Variants in TTLL4 observed in about 807,000 individuals in gnomAD.
TTLL4 encodes the protein tubulin tyrosine ligase like 4, also known as tubulin monoglutamylase TTLL4.
TTLL4 carries 85 observed loss-of-function variants against 122.7 expected under a neutral mutation model. The ratio of observed to expected loss-of-function variants is 0.69; its 90% confidence interval spans 0.58 to 0.83. The LOEUF (loss-of-function observed/expected upper bound fraction) is 0.83. Ranked by LOEUF, TTLL4 falls within the 40% of genes least tolerant of loss-of-function variation. The pLI is 0.00. For synonymous variants in TTLL4, 553 were observed against 563.0 expected (o/e 0.98, Z 0.25); for missense variants, 1,363 against 1,488.6 (o/e 0.92, Z 1.39).
intron 7 of TTLL4, 49 bp downstream of exon 7, chr2:218,745,850 G>C: frequency 6.5e-7 from 1 of 1,536,560 alleles, no homozygotes; most frequent in Non-Finnish European, 9.0e-7. Flanking sequence ...CCAAATAGAT[G>C]GGCTTTGCAT....
intron 1 of TTLL4, among the ~76,000 whole-genome samples, chr2:218,724,248 T>G (rs1335059984): frequency 1.3e-5 from 2 of 152,236 alleles, no homozygotes; most frequent in Non-Finnish European, 2.9e-5. Flanking sequence ...AAAAAAATTT[T>G]TTTAAACCTC....
chr2:218,720,958 T>C (rs1942018511), intron 1 of TTLL4, among the ~76,000 whole-genome samples: 1 of 152,108 alleles, frequency 6.6e-6, no homozygotes, highest in Non-Finnish European at 1.5e-5. Context: ...TATTCAGTCA[T>C]GCCTATTAAT....
chr2:218,740,598 T>C lies in TTLL4; in HGVS notation c.1661+14T>C. On this transcript the variant is annotated intron_variant, in intron 5 of 19. Transcript: ENST00000392102. ...CATGATCTCTAGGTAAGTGTGGCTG[T>C]ATAGATCATTGTTACATGCTCATCT... is the stretch of plus-strand genomic sequence containing the variant. The C allele has an allele frequency of 6.2e-7, 1 of 1,613,964 alleles. No individual in the cohort carries two copies. Among genetic ancestry groups the C allele is most frequent in the Non-Finnish European group, 8.5e-7 (1 of 1,179,800 alleles).
chr2:218,713,041 G>C (rs539103810), intron 1 of TTLL4, among the ~76,000 whole-genome samples: 15 of 152,196 alleles, frequency 9.9e-5, no homozygotes, highest in Non-Finnish European at 2.1e-4. Flanking sequence ...TTTTTAAAGA[G>C]ATTTCTTTTA....
rs1942578767 is a variant in TTLL4, at chr2:218,738,003, G to A, written c.327G>A (p.Pro109=). 4.3e-6 allele frequency: 7 copies of A among 1,614,072 alleles called. No homozygotes were observed. In the South Asian group the frequency reaches 5.5e-5, roughly 13 times the overall value. ...HSSSCYLHSL[P]DLFNSTLLYR... ...GTTCCTGTTACCTACACTCTCTCCC[G>A]GACTTGTTCAACAGCACCCTGCTAT... The change falls in exon 3 of 20, where the codon CCG becomes CCA. Residue 109 remains proline (P), a synonymous_variant. Coordinates refer to ENST00000392102, the MANE Select transcript of TTLL4 (RefSeq NM_014640.5).
Position 218,738,044 on chromosome 2 carries a change from A to G in TTLL4, c.368A>G (p.Tyr123Cys). 3.7e-6 allele frequency: 6 copies of G among 1,614,148 alleles called. No individual in the cohort carries two copies. Among genetic ancestry groups the G allele is most frequent in the South Asian group, 1.1e-5 (1 of 91,086 alleles). ...ACCCTGCTATACCGCCGCTCCAGCT[A>G]TAGGCAAAAACCGTACCAGCAACTG... ...NSTLLYRRSS[Y>C]RQKPYQQLES... The change falls in exon 3 of 20, where the codon TAT (tyrosine) becomes TGT (cysteine). Residue 123 changes from tyrosine (Y) to cysteine (C), a missense_variant. Physicochemically the swap from Tyr to Cys is radical, Grantham distance 194. Transcript: ENST00000392102.
chr2:218,727,407 T>C (rs1357653398), intron 2 of TTLL4, 60 bp downstream of exon 2: 3 of 152,184 alleles, frequency 2.0e-5, no homozygotes, highest in Non-Finnish European at 2.9e-5. Context: ...TAACAATCTC[T>C]TTGTTAAATT....
chr2:218,751,500 G>T, intron 15 of TTLL4: 1 of 554,202 alleles, frequency 1.8e-6, no homozygotes, highest in Non-Finnish European at 2.3e-6. Context: ...CTGGTGGTTT[G>T]TATCCTTTTA....
At chr2:218,719,352 C>T (rs1941965134) in intron 1 of TTLL4, among the ~76,000 whole-genome samples, 1 of 152,074 alleles carries the variant, frequency 6.6e-6, no homozygotes, top group South Asian at 2.1e-4. Context: ...GGGAAAGTAT[C>T]ACGTGAGAGG....
At chr2:218,735,251 A>G (rs1197106040) in intron 2 of TTLL4, among the ~76,000 whole-genome samples, 5 of 152,078 alleles carry the variant, frequency 3.3e-5, no homozygotes, top group Non-Finnish European at 7.4e-5. Context: ...TTTTAAATAT[A>G]ACTTAAGCGA....
At chr2:218,729,763 C>A (rs56051522) in intron 2 of TTLL4, among the ~76,000 whole-genome samples, 68,848 of 128,698 alleles carry the variant, frequency 0.53, 16,698 homozygotes, top group African/African-American at 0.57. Context: ...AAAAAAAAAA[C>A]AAAAAAAAAA....
intron 1 of TTLL4, among the ~76,000 whole-genome samples, chr2:218,714,632 G>A (rs1941805728): frequency 6.6e-6 from 1 of 152,034 alleles, no homozygotes; most frequent in Non-Finnish European, 1.5e-5. Flanking sequence ...TGCTAGAGAA[G>A]CATAGTGCTT....
chr2:218,718,921 G>A (rs1941948923), intron 1 of TTLL4, among the ~76,000 whole-genome samples: 1 of 152,172 alleles, frequency 6.6e-6, no homozygotes, highest in Non-Finnish European at 1.5e-5. Flanking sequence ...TGTTAGAGGG[G>A]TTGGAGACTG....
Position 218,723,949 on chromosome 2 carries a change from A to G in TTLL4, c.-177-3320A>G, listed in dbSNP as rs572189965. 2.6e-5 allele frequency among the ~76,000 whole-genome samples: 4 copies of G among 152,218 alleles called. No homozygotes were observed. The South Asian group carries it at 8.3e-4, about 31-fold the overall frequency. On this transcript the variant is annotated intron_variant, in intron 1 of 19. Transcript: ENST00000392102. ...ATTAGATAATAGTAATATAGTTTAT[A>G]GTATTATCAATGCTAATTTTTTGAA... is the stretch of plus-strand genomic sequence containing the variant.
chr2:218,753,403 A>G (rs921909343), intron 18 of TTLL4, 181 bp from the exon 19 acceptor site: 1 of 826,262 alleles, frequency 1.2e-6, no homozygotes, highest in Non-Finnish European at 1.9e-6. Flanking sequence ...GTAGGCCTCA[A>G]CTTCTTGTTT....
In TTLL4 at chr2:218,712,243, C is replaced by T. The variant is rs181007161; in HGVS notation, c.-178+1206C>T. ...TTAATAGGGGTTAGATCACAAAGGG[C>T]CTTGGATGTTTTGCTGAGTTAGAAC... is the stretch of plus-strand genomic sequence containing the variant. On this transcript the variant is annotated intron_variant, in intron 1 of 19. Transcript: ENST00000392102. Among the ~76,000 whole-genome samples the T allele has an allele frequency of 3.3e-3, 498 of 152,202 alleles. 3 individuals are homozygous for T. Among genetic ancestry groups the T allele is most frequent in the African/African-American group, 0.011 (464 of 41,522 alleles).
chr2:218,731,921 G>A (rs1024627680), intron 2 of TTLL4, among the ~76,000 whole-genome samples: 2 of 152,360 alleles, frequency 1.3e-5, no homozygotes, highest in African/African-American at 4.8e-5. Flanking sequence ...CTATAGCTTA[G>A]TGTTTATACC....
chr2:218,735,108 A>G (rs1442545891), intron 2 of TTLL4, among the ~76,000 whole-genome samples: 2 of 152,176 alleles, frequency 1.3e-5, no homozygotes, highest in African/African-American at 4.8e-5. Context: ...CTTTGCAGGT[A>G]AAGAGGGCGA....
chr2:218,742,656 G>A (rs1241510911), intron 5 of TTLL4, among the ~76,000 whole-genome samples: 1 of 152,124 alleles, frequency 6.6e-6, no homozygotes, highest in African/African-American at 2.4e-5. Flanking sequence ...TTTTTTGTTT[G>A]TTTTTTAAAT....
Sources: gnomAD v4.1 joint callset for allele counts (sites outside exome capture counted in the v4.1 genomes callset) on GRCh38, gnomAD v4.1.1 for gene constraint, MANE v1.5 for transcripts, NCBI Gene and HGNC (gene_info 2026-07-23, HGNC 2026-07-21) for gene names.